Variants in PPWD1 observed in about 807,000 individuals in gnomAD.
PPWD1 encodes peptidylprolyl isomerase domain and WD repeat containing 1, also known as peptidylprolyl isomerase domain and WD repeat-containing protein 1.
Under a neutral mutation model 68.8 loss-of-function variants are expected in PPWD1, and 43 were observed. The observed-to-expected ratio is 0.62, with a 90% CI of 0.49 to 0.81. The LOEUF is 0.81. Among genes scored for constraint, PPWD1 ranks in the 30% least tolerant of loss-of-function variants. PPWD1 has a pLI of 0.00. For missense variants in PPWD1, 672 were observed against 804.8 expected, an observed-to-expected ratio of 0.83 and a Z score of 2.00; for synonymous variants, 232 against 258.7, an observed-to-expected ratio of 0.90 and a Z score of 0.99.
intron 10 of PPWD1, 81 bp downstream of exon 10, chr5:65,586,262 T>A: frequency 7.6e-7 from 1 of 1,311,204 alleles, no homozygotes; most frequent in South Asian, 1.6e-5. Context: ...AGAGCTGCAT[T>A]ATTCTGTATT....
chr5:65,586,221 G>A (rs1205803913), intron 10 of PPWD1, 40 bp downstream of exon 10: 1 of 1,569,558 alleles, frequency 6.4e-7, no homozygotes, highest in African/African-American at 1.4e-5. Flanking sequence ...CAGATTGATA[G>A]GTTATGATGT....
Position 65,563,814 on chromosome 5 carries a change from A to C in PPWD1, c.196+308A>C, listed in dbSNP as rs983743732. 1.5e-5 allele frequency: 23 copies of C among 1,507,856 alleles called. No individual in the cohort carries two copies. In the African/African-American group the frequency reaches 3.2e-4, roughly 21 times the overall value. 93.4% of individuals were successfully genotyped at this position (1,507,856 alleles called of 1,614,324 possible). On this transcript the variant is annotated intron_variant, in intron 1 of 10. Coordinates refer to ENST00000261308, the MANE Select transcript of PPWD1 (RefSeq NM_015342.4). ...TTTACTCCCCACAGCAGCCACATGAAGTTGGAATTTCGAACTCTTATTTAG... is the reference window on the plus strand; with the variant it reads ...TTTACTCCCCACAGCAGCCACATGACGTTGGAATTTCGAACTCTTATTTAG...
intron 4 of PPWD1, chr5:65,570,262 T>C (rs1355190382): frequency 1.1e-6 from 1 of 916,346 alleles, no homozygotes; most frequent in Non-Finnish European, 1.3e-6. Flanking sequence ...CTTAGTAATA[T>C]TACTGGAGCT....
chr5:65,583,382 G>A (rs1227286732), intron 8 of PPWD1, 163 bp downstream of exon 8: 4 of 765,418 alleles, frequency 5.2e-6, no homozygotes, highest in South Asian at 3.1e-5. Flanking sequence ...TAAGTGTTAC[G>A]GTAGAAAATG....
At chr5:65,584,683 C>G (rs939087282) in intron 8 of PPWD1, among the ~76,000 whole-genome samples, 10 of 152,000 alleles carry the variant, frequency 6.6e-5, no homozygotes, top group African/African-American at 2.2e-4. Context: ...ATAGTGAGAC[C>G]TTGTCTCTTA....
In PPWD1 at chr5:65,585,984, G is replaced by T. The variant is rs1753825300; in HGVS notation, c.1615-15G>T. 3 of 1,609,370 alleles carry T rather than the reference G, an allele frequency of 1.9e-6. No individual in the cohort carries two copies. The African/African-American group carries it at 4.0e-5, about 22-fold the overall frequency. On this transcript the variant is annotated splice_polypyrimidine_tract_variant and intron_variant, in intron 9 of 10. Coordinates refer to ENST00000261308, the MANE Select transcript of PPWD1 (RefSeq NM_015342.4). ...GAAAAGGACAATGTAATGTTTTTGT[G>T]TACTTTCTGTTAAGGGCTTTATGAT...
rs1400205639 is a variant in PPWD1, at chr5:65,573,535, TTTTTTTTTTTTTTTTTTTA to T, written c.969+1250_969+1268del. ...CAGATGGTTTTTTTTTTTTTTTTTT[TTTTTTTTTTTTTTTTTTTA>T]AGTACAGACGGGTTTCACCGTGTTA... is the stretch of plus-strand genomic sequence containing the variant. On this transcript the variant is annotated intron_variant, in intron 5 of 10. Transcript: ENST00000261308. Among the ~76,000 whole-genome samples, 70 of 45,092 alleles carry T rather than the reference TTTTTTTTTTTTTTTTTTTA, an allele frequency of 1.6e-3. 1 individual carries two copies. The highest frequency in any genetic ancestry group is 1.8e-3 in the Non-Finnish European group (40 of 22,322). The allele number at this position is 45,092 out of a possible 152,430, so 29.6% of individuals were successfully genotyped here.
chr5:65,581,090 G>T (rs1029007093), intron 7 of PPWD1, among the ~76,000 whole-genome samples: 1 of 152,094 alleles, frequency 6.6e-6, no homozygotes, highest in Admixed American at 6.5e-5. Context: ...TGCTATTAAG[G>T]TTAACAGCAT....
chr5:65,581,785 T>C (rs1753611384), intron 7 of PPWD1, among the ~76,000 whole-genome samples: 1 of 152,236 alleles, frequency 6.6e-6, no homozygotes, highest in South Asian at 2.1e-4. Context: ...TTTATACAGC[T>C]AACATTGTTA....
chr5:65,580,957 G>T (rs895664051), intron 7 of PPWD1, among the ~76,000 whole-genome samples: 1 of 152,122 alleles, frequency 6.6e-6, no homozygotes, highest in South Asian at 2.1e-4. Context: ...CTCTTCTTCT[G>T]AAGATAAAAT....
chr5:65,574,297 A>G (rs1271507159), intron 5 of PPWD1, among the ~76,000 whole-genome samples: 1 of 152,216 alleles, frequency 6.6e-6, no homozygotes, highest in East Asian at 1.9e-4. Context: ...TTTAAGGAGA[A>G]ACATTTATCG....
In PPWD1 at chr5:65,572,167, A is replaced by G. The variant is rs1753046303; in HGVS notation, c.850A>G (p.Thr284Ala). 1 of 1,613,928 alleles carries G rather than the reference A, an allele frequency of 6.2e-7. No individual in the cohort carries two copies. Among genetic ancestry groups the G allele is most frequent in the Non-Finnish European group, 8.5e-7 (1 of 1,179,916 alleles). Reference sequence around the variant, plus strand: ...ATTTGCCAAGTGTAAGGCTTATCCAACCAGCGTATGTTTTTCACCAGATGG... The same window carrying G: ...ATTTGCCAAGTGTAAGGCTTATCCAGCCAGCGTATGTTTTTCACCAGATGG... ...YEFAKCKAYPTSVCFSPDGKK... is the reference protein window; with the variant it reads ...YEFAKCKAYPASVCFSPDGKK... Residue 284 changes from threonine to alanine, a missense_variant, in exon 5 of 11, where the codon ACC becomes GCC. Coordinates refer to ENST00000261308, the MANE Select transcript of PPWD1 (RefSeq NM_015342.4).
chr5:65,580,409 T>C (rs1309516673), intron 7 of PPWD1, among the ~76,000 whole-genome samples: 2 of 152,240 alleles, frequency 1.3e-5, no homozygotes, highest in Non-Finnish European at 2.9e-5. Context: ...AGTTCACATG[T>C]AGTTGAGTGT....
Position 65,569,462 on chromosome 5 carries a change from T to G in PPWD1, c.300-170T>G, listed in dbSNP as rs1752919353. ...AACTGTTTTGACATCCAGAAAGGAG[T>G]TTCAAAATTTGCAGTGTTCTGTAAT... On this transcript the variant is annotated intron_variant, in intron 2 of 10. Transcript: ENST00000261308. The G allele has an allele frequency of 6.8e-6, 4 of 591,956 alleles. No individual in the cohort carries two copies. The Admixed American group carries it at 1.7e-4, about 24-fold the overall frequency. The allele number at this position is 591,956 out of a possible 1,614,324, so 36.7% of individuals were successfully genotyped here.
chr5:65,569,684 A>C lies in PPWD1; in HGVS notation c.352A>C (p.Lys118Gln), dbSNP rs763680805. 1 of 1,609,622 alleles carries C rather than the reference A, an allele frequency of 6.2e-7. No homozygotes were observed. The change falls in exon 3 of 11, where the codon AAA becomes CAA. Residue 118 changes from lysine (K) to glutamine (Q), a missense_variant. Lys to Gln is a moderately conservative substitution (Grantham distance 53). Coordinates refer to ENST00000261308, the MANE Select transcript of PPWD1 (RefSeq NM_015342.4). ...TGATGGACATGTCAAGTTCTGGAAA[A>C]AAATAGAAGAGGGAATTGAATTTGT... is the stretch of plus-strand genomic sequence containing the variant. ...SHDGHVKFWKKIEEGIEFVKH... is the reference protein window; with the variant it reads ...SHDGHVKFWKQIEEGIEFVKH...
At chr5:65,582,957 A>G (rs1216955215) in intron 7 of PPWD1, 81 bp from the exon 8 acceptor site, 1 of 1,432,240 alleles carries the variant, frequency 7.0e-7, no homozygotes, top group African/African-American at 1.4e-5. Context: ...TAAGTACTTC[A>G]TTAGAAATTC....
chr5:65,569,459 G>C, intron 2 of PPWD1, 173 bp from the exon 3 acceptor site: 2 of 547,972 alleles, frequency 3.6e-6, no homozygotes, highest in Non-Finnish European at 5.6e-6. Context: ...ATCCAGAAAG[G>C]AGTTTCAAAA....
intron 7 of PPWD1, chr5:65,582,709 GC>G (rs1753647427): frequency 5.8e-6 from 1 of 171,126 alleles, no homozygotes; most frequent in Non-Finnish European, 1.3e-5. Flanking sequence ...GGCATGTTAG[GC>G]CTTACTAGAA....
intron 5 of PPWD1, 147 bp downstream of exon 5, chr5:65,572,433 T>G: frequency 1.1e-6 from 1 of 877,990 alleles, no homozygotes; most frequent in Admixed American, 3.0e-5. Flanking sequence ...ACTGTTTCTG[T>G]CTTGTAGTGT....
Sources: allele counts gnomAD v4.1 joint callset (sites outside exome capture counted in the v4.1 genomes callset), GRCh38; gene constraint gnomAD v4.1.1; transcripts MANE v1.5; gene names NCBI Gene and HGNC (gene_info 2026-07-23, HGNC 2026-07-21).